Variants in DUSP16 observed in about 807,000 individuals in gnomAD.
The protein encoded by DUSP16 is dual specificity phosphatase 16, also known as dual specificity protein phosphatase 16.
Under a neutral mutation model 58.3 loss-of-function variants are expected in DUSP16, and 21 were observed. The ratio of observed to expected loss-of-function variants is 0.36; its 90% CI spans 0.26 to 0.52. The LOEUF is 0.52. Among genes scored for constraint, DUSP16 ranks in the 20% least tolerant of loss-of-function variants. DUSP16 has a pLI of 0.94. For missense variants in DUSP16, 726 were observed against 819.0 expected, an observed-to-expected ratio of 0.89 and a Z score of 1.39; for synonymous variants, 320 against 323.8, an observed-to-expected ratio of 0.99 and a Z score of 0.12.
At chr12:12,546,536 T>C (rs1944642795) in intron 1 of DUSP16, among the ~76,000 whole-genome samples, 1 of 152,190 alleles carries the variant, frequency 6.6e-6, no homozygotes, top group African/African-American at 2.4e-5. Flanking sequence ...CAGGTGTTTT[T>C]AGTATTTTGT....
chr12:12,485,389 C>G (rs1278334995), intron 5 of DUSP16: 2 of 152,082 alleles, frequency 1.3e-5, no homozygotes, highest in Non-Finnish European at 2.9e-5. Flanking sequence ...AAGATGAAAC[C>G]CTCAGCAACC....
intron 5 of DUSP16, among the ~76,000 whole-genome samples, chr12:12,484,352 TAGTTAA>T: frequency 6.6e-6 from 1 of 152,300 alleles, no homozygotes. Context: ...AGTTGCAAAG[TAGTTAA>T]AGTTCTTTTG....
At chr12:12,548,644 A>AG (rs1398523690) in intron 1 of DUSP16, among the ~76,000 whole-genome samples, 6 of 139,664 alleles carry the variant, frequency 4.3e-5, no homozygotes, top group African/African-American at 1.6e-4. Flanking sequence ...AAAAAAAAAA[A>AG]AAAGAAAAAG....
chr12:12,480,280 G>A lies in DUSP16; in HGVS notation c.758C>T (p.Thr253Ile). The A allele has an allele frequency of 1.2e-6, 2 of 1,614,218 alleles. No individual in the cohort carries two copies. The highest frequency in any genetic ancestry group is 2.7e-5 in the African/African-American group (2 of 75,058). ...HCLAGISRSA[T>I]IAIAYIMKRM... ...CTTCATGATGTAGGCGATAGCGATGGTGGCGGAGCGGGAGATCCCAGCTAA... is the reference window on the plus strand; with the variant it reads ...CTTCATGATGTAGGCGATAGCGATGATGGCGGAGCGGGAGATCCCAGCTAA... Residue 253 changes from threonine (T) to isoleucine (I), a missense_variant, in exon 6 of 7, where the codon ACC becomes ATC. Coordinates refer to ENST00000298573, the MANE Select transcript of DUSP16 (RefSeq NM_030640.3).
At chr12:12,509,498 A>C (rs1944045457) in intron 3 of DUSP16, among the ~76,000 whole-genome samples, 1 of 151,954 alleles carries the variant, frequency 6.6e-6, no homozygotes. Flanking sequence ...AAAAAAAAAC[A>C]AACTTCCTTG....
chr12:12,521,751 A>G (rs1592192177), intron 1 of DUSP16, among the ~76,000 whole-genome samples: 1 of 152,226 alleles, frequency 6.6e-6, no homozygotes, highest in Non-Finnish European at 1.5e-5. Context: ...AATGACCTGT[A>G]GTATTGAATT....
chr12:12,511,269 G>C (rs7137455), intron 3 of DUSP16, among the ~76,000 whole-genome samples: 82,775 of 151,850 alleles, frequency 0.55, 22,912 homozygotes, highest in East Asian at 0.71. Context: ...CAGACAGACC[G>C]AAGAGGTTGG....
In DUSP16 at chr12:12,473,463, C is replaced by T. The variant is rs1397213376; in HGVS notation, c.*3370G>A. On this transcript the variant is annotated 3_prime_UTR_variant, in exon 7 of 7. Coordinates refer to ENST00000298573, the MANE Select transcript of DUSP16 (RefSeq NM_030640.3). ...CTGAAACAACTGTTCCTCCTGTTACCCTCTATCTCTGGAGGCTGATTTATT... is the reference window on the plus strand; with the variant it reads ...CTGAAACAACTGTTCCTCCTGTTACTCTCTATCTCTGGAGGCTGATTTATT... Among the ~76,000 whole-genome samples the T allele has an allele frequency of 1.3e-5, 2 of 152,134 alleles. No individual in the cohort carries two copies. Among genetic ancestry groups the T allele is most frequent in the East Asian group, 1.9e-4 (1 of 5,194 alleles).
chr12:12,538,311 G>A (rs151094465), intron 1 of DUSP16, among the ~76,000 whole-genome samples: 1 of 152,324 alleles, frequency 6.6e-6, no homozygotes, highest in East Asian at 1.9e-4. Context: ...ATAATGGTAA[G>A]AGGAGAAATG....
chr12:12,504,887 A>G lies in DUSP16; in HGVS notation c.368-4205T>C, dbSNP rs142411160. Among the ~76,000 whole-genome samples the G allele has an allele frequency of 6.6e-3, 1,007 of 152,212 alleles. 8 individuals carry two copies. The highest frequency in any genetic ancestry group is 0.023 in the African/African-American group (976 of 41,538). On this transcript the variant is annotated intron_variant, in intron 3 of 6. Coordinates refer to ENST00000298573, the MANE Select transcript of DUSP16 (RefSeq NM_030640.3). Reference sequence around the variant, plus strand: ...GTGAGACCCTGTCTCAAAAAAATACATACATACATCCAACAAAACAATATT... The same window carrying G: ...GTGAGACCCTGTCTCAAAAAAATACGTACATACATCCAACAAAACAATATT...
At chr12:12,541,526 CA>C (rs1415333370) in intron 1 of DUSP16, among the ~76,000 whole-genome samples, 1 of 152,164 alleles carries the variant, frequency 6.6e-6, no homozygotes, top group Non-Finnish European at 1.5e-5. Flanking sequence ...AGGTAAATGG[CA>C]TAAATTCTCA....
intron 1 of DUSP16, among the ~76,000 whole-genome samples, chr12:12,522,351 T>G (rs1255329786): frequency 6.6e-6 from 1 of 152,212 alleles, no homozygotes; most frequent in Non-Finnish European, 1.5e-5. Context: ...AGAGAGCCCT[T>G]AAAGCTGAAC....
At chr12:12,547,788 A>G (rs1944668656) in intron 1 of DUSP16, among the ~76,000 whole-genome samples, 1 of 152,224 alleles carries the variant, frequency 6.6e-6, no homozygotes, top group Admixed American at 6.5e-5. Context: ...CTGGCAACAA[A>G]GATTTCTCAG....
intron 1 of DUSP16, among the ~76,000 whole-genome samples, chr12:12,528,975 T>C (rs144308173): frequency 4.8e-4 from 73 of 152,320 alleles, no homozygotes; most frequent in Non-Finnish European, 7.9e-4. Flanking sequence ...TGTAGCTTTC[T>C]GGGGCCAATG....
At chr12:12,541,764 A>G (rs1399498441) in intron 1 of DUSP16, among the ~76,000 whole-genome samples, 4 of 152,374 alleles carry the variant, frequency 2.6e-5, no homozygotes, top group East Asian at 1.9e-4. Context: ...TAAAATGTAA[A>G]TACAAGAGCA....
chr12:12,530,925 G>A (rs1448827140), intron 1 of DUSP16, among the ~76,000 whole-genome samples: 3 of 152,120 alleles, frequency 2.0e-5, no homozygotes, highest in Non-Finnish European at 4.4e-5. Flanking sequence ...CTCCTTGTCA[G>A]AAGGATCAAA....
chr12:12,544,051 C>CA (rs1207445570), intron 1 of DUSP16, among the ~76,000 whole-genome samples: 4 of 151,930 alleles, frequency 2.6e-5, no homozygotes, highest in Non-Finnish European at 5.9e-5. Context: ...ATGTACAGCT[C>CA]AAAGAATTTT....
chr12:12,517,710 C>G lies in DUSP16; in HGVS notation c.367+2152G>C, dbSNP rs78769047. 3.5e-3 allele frequency among the ~76,000 whole-genome samples: 536 copies of G among 152,300 alleles called. 1 individual carries two copies. Among genetic ancestry groups the G allele is most frequent in the African/African-American group, 0.012 (495 of 41,568 alleles). ...AGCTGCTCAGAAATTCCCAAACAAG[C>G]AATTCAGACTCTGAAGTCACCTCCT... On this transcript the variant is annotated intron_variant, in intron 3 of 6. Coordinates refer to ENST00000298573, the MANE Select transcript of DUSP16 (RefSeq NM_030640.3).
intron 1 of DUSP16, among the ~76,000 whole-genome samples, chr12:12,540,574 T>C (rs939279603): frequency 1.3e-5 from 2 of 152,176 alleles, no homozygotes; most frequent in Admixed American, 1.3e-4. Flanking sequence ...TTAAAGCAAT[T>C]TCATAAGATA....
Sources: gnomAD v4.1 joint callset for allele counts (sites outside exome capture counted in the v4.1 genomes callset) on GRCh38, gnomAD v4.1.1 for gene constraint, MANE v1.5 for transcripts, NCBI Gene and HGNC (gene_info 2026-07-23, HGNC 2026-07-21) for gene names.